The following SLC16A12 variants were observed in gnomAD, a reference collection of about 807,000 sequenced individuals.
SLC16A12 encodes the protein solute carrier family 16 member 12.
A neutral mutation model predicts 42.4 loss-of-function variants in SLC16A12; 17 were observed. The ratio of observed to expected loss-of-function variants is 0.40; its 90% CI spans 0.27 to 0.60. The LOEUF is 0.60. Among genes scored for constraint, SLC16A12 ranks in the 20% least tolerant of loss-of-function variants. The pLI, the probability that SLC16A12 is intolerant of heterozygous loss-of-function variation, is 0.42. For synonymous variants in SLC16A12, 224 were observed against 229.4 expected, an observed-to-expected ratio of 0.98 and a Z score of 0.21; for missense variants, 544 against 623.0, an observed-to-expected ratio of 0.87 and a Z score of 1.35.
At chr10:89,488,586 A>G (rs999377004) in intron 2 of SLC16A12, among the ~76,000 whole-genome samples, 2 of 152,188 alleles carry the variant, frequency 1.3e-5, no homozygotes, top group African/African-American at 4.8e-5. Context: ...GCTTTAATAT[A>G]TTGGGTCACT....
In SLC16A12 at chr10:89,520,204, C is replaced by T. The variant is rs1262330821; in HGVS notation, c.-47+14297G>A. On this transcript the variant is annotated intron_variant, in intron 2 of 7. Coordinates refer to ENST00000371790, the MANE Select transcript of SLC16A12 (RefSeq NM_213606.4). ...CACCATCCAAAAAGCTTCCACAAAA[C>T]AATCAGGCTATCTATATAAAAAGAA... Among the ~76,000 whole-genome samples, 3 of 152,032 alleles carry T rather than the reference C, an allele frequency of 2.0e-5. No individual in the cohort carries two copies. In the East Asian group the frequency reaches 5.8e-4, roughly 29 times the overall value.
At chr10:89,440,062 A>T (rs548204227) in intron 5 of SLC16A12, among the ~76,000 whole-genome samples, 2 of 118,980 alleles carry the variant, frequency 1.7e-5, no homozygotes, top group South Asian at 6.3e-4. Context: ...CGAGCCAGAT[A>T]GACCCTGTCT....
chr10:89,478,163 G>A (rs545196344), intron 2 of SLC16A12, among the ~76,000 whole-genome samples: 51 of 152,272 alleles, frequency 3.3e-4, no homozygotes, highest in Non-Finnish European at 4.9e-4. Context: ...ACTTAAGGGG[G>A]CAGAGGGAGA....
At chr10:89,447,262 A>G (rs1181768967) in intron 3 of SLC16A12, among the ~76,000 whole-genome samples, 1 of 152,220 alleles carries the variant, frequency 6.6e-6, no homozygotes, top group Non-Finnish European at 1.5e-5. Context: ...CAGACCTAAC[A>G]GACATCTACA....
chr10:89,496,748 T>TA (rs1348563088), intron 2 of SLC16A12, among the ~76,000 whole-genome samples: 2 of 152,114 alleles, frequency 1.3e-5, no homozygotes, highest in Non-Finnish European at 1.5e-5. Context: ...ACTCCAATTA[T>TA]AAAGGAGAAG....
At chr10:89,493,411 C>T (rs1312922834) in intron 2 of SLC16A12, among the ~76,000 whole-genome samples, 21 of 152,008 alleles carry the variant, frequency 1.4e-4, no homozygotes, top group South Asian at 6.2e-4. Flanking sequence ...TTAGTAGAGA[C>T]GAGGTTTCTC....
chr10:89,504,812 T>C (rs1347745561), intron 2 of SLC16A12, among the ~76,000 whole-genome samples: 1 of 152,202 alleles, frequency 6.6e-6, no homozygotes, highest in African/African-American at 2.4e-5. Context: ...ACAATGTTTC[T>C]AGAGTCTAAT....
chr10:89,543,436 G>T (rs2133885735), intron 2 of SLC16A12, among the ~76,000 whole-genome samples: 1 of 152,286 alleles, frequency 6.6e-6, no homozygotes, highest in Non-Finnish European at 1.5e-5. Flanking sequence ...GGGGCAAGTT[G>T]TATAATAACT....
At chr10:89,538,317 C>T (rs932305961), upstream of SLC16A12, among the ~76,000 whole-genome samples, 1 of 152,160 alleles carries the variant, frequency 6.6e-6, no homozygotes, top group Non-Finnish European at 1.5e-5. Context: ...TTGCACAGTC[C>T]CAACACGGCT....
chr10:89,487,371 G>A (rs1276116858), intron 2 of SLC16A12, among the ~76,000 whole-genome samples: 1 of 152,030 alleles, frequency 6.6e-6, no homozygotes, highest in Non-Finnish European at 1.5e-5. Flanking sequence ...GGAGAAAAGG[G>A]AACTCTCATA....
intron 2 of SLC16A12, among the ~76,000 whole-genome samples, chr10:89,554,528 C>T (rs1294782438): frequency 6.6e-6 from 1 of 152,118 alleles, no homozygotes; most frequent in Admixed American, 6.5e-5. Context: ...TTGGGTTGAA[C>T]AGGTTTGTTT....
At chr10:89,527,156 A>C (rs925864212) in intron 2 of SLC16A12, among the ~76,000 whole-genome samples, 2 of 152,186 alleles carry the variant, frequency 1.3e-5, no homozygotes, top group African/African-American at 4.8e-5. Context: ...AATCTCCATG[A>C]GCATTAAAAC....
chr10:89,441,100 G>T lies in SLC16A12; in HGVS notation c.448+8C>A. The T allele has an allele frequency of 6.2e-7, 1 of 1,613,806 alleles. No homozygotes were observed. Among genetic ancestry groups the T allele is most frequent in the Non-Finnish European group, 8.5e-7 (1 of 1,179,770 alleles). On this transcript the variant is annotated splice_region_variant and intron_variant, in intron 5 of 7. Coordinates refer to ENST00000371790, the MANE Select transcript of SLC16A12 (RefSeq NM_213606.4). Reference sequence around the variant, plus strand: ...TGGGGTGAGACAGGTGGTACAAAGTGCCCTTACCTGTAAGAACTCCCAGAG... The same window carrying T: ...TGGGGTGAGACAGGTGGTACAAAGTTCCCTTACCTGTAAGAACTCCCAGAG...
chr10:89,529,463 C>CCA (rs201892142), intron 2 of SLC16A12, among the ~76,000 whole-genome samples: 1,744 of 151,834 alleles, frequency 0.011, 36 homozygotes, highest in African/African-American at 0.04. Context: ...AACCACCGAG[C>CCA]CAGAAGACGG....
intron 2 of SLC16A12, among the ~76,000 whole-genome samples, chr10:89,500,415 A>G (rs2133820692): frequency 6.6e-6 from 1 of 152,362 alleles, no homozygotes; most frequent in African/African-American, 2.4e-5. Context: ...AACTGAATCC[A>G]ACAACATATC....
At chr10:89,493,383 C>T (rs558808075) in intron 2 of SLC16A12, among the ~76,000 whole-genome samples, 11 of 152,150 alleles carry the variant, frequency 7.2e-5, no homozygotes, top group East Asian at 1.9e-4. Flanking sequence ...TCACTATGCC[C>T]GGCTAATTTT....
intron 2 of SLC16A12, among the ~76,000 whole-genome samples, chr10:89,504,521 T>G (rs1843031625): frequency 6.6e-6 from 1 of 152,204 alleles, no homozygotes; most frequent in South Asian, 2.1e-4. Context: ...TGAATAGATT[T>G]TCCGCTTTTT....
At chr10:89,505,144 G>A (rs746972750) in intron 2 of SLC16A12, among the ~76,000 whole-genome samples, 3 of 151,992 alleles carry the variant, frequency 2.0e-5, no homozygotes, top group Non-Finnish European at 4.4e-5. Flanking sequence ...ACCCAAATAG[G>A]CACTACTTTT....
chr10:89,510,072 A>T (rs1232510860), intron 2 of SLC16A12, among the ~76,000 whole-genome samples: 2 of 152,208 alleles, frequency 1.3e-5, no homozygotes, highest in Non-Finnish European at 2.9e-5. Flanking sequence ...AAACTGCTCA[A>T]TGAAATAAAA....
Sources: gnomAD v4.1 joint callset for allele counts (sites outside exome capture counted in the v4.1 genomes callset) on GRCh38, gnomAD v4.1.1 for gene constraint, MANE v1.5 for transcripts, NCBI Gene and HGNC (gene_info 2026-07-23, HGNC 2026-07-21) for gene names.